MCPH1: variants seen among roughly 807,000 people sequenced by gnomAD.
The protein encoded by MCPH1 is microcephalin.
Under a neutral mutation model 84.5 loss-of-function variants are expected in MCPH1, and 104 were observed. The observed-to-expected ratio is 1.23, with a 90% CI of 1.05 to 1.45. The LOEUF (loss-of-function observed/expected upper bound fraction) is 1.45. Among genes scored for constraint, MCPH1 ranks in the 40% most tolerant of loss-of-function variants. The probability of loss-of-function intolerance (pLI) is 0.00; values close to 1 mark genes in which losing one functional copy is unlikely to be tolerated. For missense variants in MCPH1, 1,498 were observed against 1,005.7 expected (o/e 1.49, Z -6.62); for synonymous variants, 514 against 366.8 (o/e 1.40, Z -4.58).
At position 6,610,532 on chromosome 8, in the gene MCPH1, C is replaced by G. The variant is rs1322326459; in HGVS notation, c.2215-10922C>G. 2.6e-5 allele frequency among the ~76,000 whole-genome samples: 4 copies of G among 152,170 alleles called. No individual in the cohort carries two copies. In the East Asian group the frequency reaches 7.7e-4, roughly 29 times the overall value. ...CCATAATCTTCCTCCAGTCTGTTTC[C>G]TTTCTGCAGTGACAAAATTGCCCAG... On this transcript the variant is annotated intron_variant, in intron 12 of 13. Transcript: ENST00000344683.
intron 12 of MCPH1, among the ~76,000 whole-genome samples, chr8:6,526,798 C>G (rs1390556742): frequency 6.6e-6 from 1 of 152,160 alleles, no homozygotes; most frequent in African/African-American, 2.4e-5. Context: ...AGGAAATAGG[C>G]ACACCAGGTA....
rs1217697780 is a variant in MCPH1 at position 6,505,420 on chromosome 8, CATAAAGAATATAT to C, written c.2214+5495_2214+5507del. On this transcript the variant is annotated intron_variant, in intron 12 of 13. Transcript: ENST00000344683. ...ATAGAATATATATATTCTTTATATA[CATAAAGAATATAT>C]ATATTCTTTATATACATATAGAATA... Among the ~76,000 whole-genome samples, 6 of 57,414 alleles carry C rather than the reference CATAAAGAATATAT, an allele frequency of 1.0e-4. 3 individuals carry two copies. Among genetic ancestry groups the C allele is most frequent in the African/African-American group, 3.6e-4 (6 of 16,466 alleles). The allele number at this position is 57,414 out of a possible 152,430, so 37.7% of individuals were successfully genotyped here. A position where few individuals can be genotyped will look rare whatever the true frequency, so the allele number is the denominator to read the frequency against.
chr8:6,622,066 AGCGCCCG>A (rs1831487934), intron 13 of MCPH1: 1 of 361,032 alleles, frequency 2.8e-6, no homozygotes, highest in Non-Finnish European at 5.6e-6. Flanking sequence ...AGTCCCTGGC[AGCGCCCG>A]GCACTGGGGC....
chr8:6,561,370 T>G (rs1446650723), intron 12 of MCPH1, among the ~76,000 whole-genome samples: 1 of 152,224 alleles, frequency 6.6e-6, no homozygotes, highest in Admixed American at 6.5e-5. Context: ...CTGGGAACAT[T>G]CATTCACATT....
chr8:6,601,993 G>A (rs535868402), intron 12 of MCPH1, among the ~76,000 whole-genome samples: 1 of 152,312 alleles, frequency 6.6e-6, no homozygotes, highest in East Asian at 1.9e-4. Flanking sequence ...TGTCTCTTCT[G>A]CTAGATGATG....
intron 12 of MCPH1, among the ~76,000 whole-genome samples, chr8:6,517,092 TAG>T (rs1190997826): frequency 6.6e-6 from 1 of 152,206 alleles, no homozygotes; most frequent in African/African-American, 2.4e-5. Context: ...AGTGTTCAAA[TAG>T]AGTTATCTAC....
At chr8:6,610,929 A>G (rs1042827930) in intron 12 of MCPH1, among the ~76,000 whole-genome samples, 4 of 152,074 alleles carry the variant, frequency 2.6e-5, no homozygotes, top group Non-Finnish European at 5.9e-5. Context: ...TTTGAACTGC[A>G]AATTTAGCAG....
At chr8:6,468,752 G>A (rs1419142620) in intron 9 of MCPH1, among the ~76,000 whole-genome samples, 2 of 148,210 alleles carry the variant, frequency 1.3e-5, no homozygotes, top group Non-Finnish European at 3.0e-5. Context: ...TGTATTATTT[G>A]AAACTGTTTG....
rs1284752439 is a variant in MCPH1 at position 6,446,228 on chromosome 8, A to C, written c.1825+681A>C. The C allele has an allele frequency of 1.3e-5, 12 of 937,128 alleles. No individual in the cohort carries two copies. The Admixed American group carries it at 7.4e-4, about 58-fold the overall frequency. 58.1% of individuals were successfully genotyped at this position (937,128 alleles called of 1,614,324 possible). On this transcript the variant is annotated intron_variant, in intron 8 of 13. Transcript: ENST00000344683. The stretch of plus-strand genomic sequence containing the variant: ...TTATTAAAAGTCAAAACAATAAAAA[A>C]TTTTGCACTTCACAGTTATAAGCAC...
intron 12 of MCPH1, among the ~76,000 whole-genome samples, chr8:6,538,099 C>A (rs564234397): frequency 6.6e-6 from 1 of 152,284 alleles, no homozygotes; most frequent in South Asian, 2.1e-4. Flanking sequence ...CTCTCACACA[C>A]ACATACACGT....
chr8:6,439,210 T>C, intron 6 of MCPH1, 114 bp downstream of exon 6: 1 of 1,095,634 alleles, frequency 9.1e-7, no homozygotes, highest in Non-Finnish European at 1.3e-6. Flanking sequence ...TAACACATTT[T>C]GACTTATTTC....
Position 6,442,159 on chromosome 8 carries a change from A to G in MCPH1, c.670+3A>G. 1 of 1,584,834 alleles carries G rather than the reference A, an allele frequency of 6.3e-7. No homozygotes were observed. Reference sequence around the variant, plus strand: ...TTCACGTGATACTTTGTGTTCAGGTAAAATTTTTATTTTCCTTTCTGTGAT... The same window carrying G: ...TTCACGTGATACTTTGTGTTCAGGTGAAATTTTTATTTTCCTTTCTGTGAT... On this transcript the variant is annotated splice_donor_region_variant and intron_variant, in intron 7 of 13. Coordinates refer to ENST00000344683, the MANE Select transcript of MCPH1 (RefSeq NM_024596.5).
At chr8:6,542,414 T>C (rs1821775076) in intron 12 of MCPH1, among the ~76,000 whole-genome samples, 1 of 152,038 alleles carries the variant, frequency 6.6e-6, no homozygotes, top group Admixed American at 6.6e-5. Flanking sequence ...AAATAGACAT[T>C]CCAAAGCTTG....
At chr8:6,605,287 T>G (rs1438418727) in intron 12 of MCPH1, among the ~76,000 whole-genome samples, 1 of 152,126 alleles carries the variant, frequency 6.6e-6, no homozygotes, top group African/African-American at 2.4e-5. Flanking sequence ...GCCCTTTCTC[T>G]CCTCCCTGCC....
chr8:6,522,143 C>A lies in MCPH1; in HGVS notation c.2214+22214C>A, dbSNP rs571782661. Among the ~76,000 whole-genome samples the A allele has an allele frequency of 1.1e-4, 16 of 151,804 alleles. No individual in the cohort carries two copies. The East Asian group carries it at 3.2e-3, about 30-fold the overall frequency. ...GGCCGAGGCGGGCGGATCACGAGGT[C>A]GGGAGATTGAGAGTATCCTGGCTAA... On this transcript the variant is annotated intron_variant, in intron 12 of 13. Transcript: ENST00000344683.
At chr8:6,600,746 A>G (rs2980675) in intron 12 of MCPH1, among the ~76,000 whole-genome samples, 5,358 of 152,282 alleles carry the variant, frequency 0.035, 331 homozygotes, top group African/African-American at 0.12. Context: ...GGTTGTGGCA[A>G]TGTTTCAATA....
chr8:6,494,444 C>G (rs191195156), intron 11 of MCPH1: 15 of 152,064 alleles, frequency 9.9e-5, no homozygotes, highest in African/African-American at 3.6e-4. Context: ...CTTGCTACAC[C>G]GTAGCTGTGT....
intron 8 of MCPH1, among the ~76,000 whole-genome samples, chr8:6,453,396 C>CT (rs11459930): frequency 0.67 from 98,795 of 147,384 alleles, 35,590 homozygotes; most frequent in Non-Finnish European, 0.8. Flanking sequence ...CAATATCAGT[C>CT]TTTTTTTTTT....
chr8:6,542,617 G>T (rs1271476758), intron 12 of MCPH1, among the ~76,000 whole-genome samples: 2 of 151,142 alleles, frequency 1.3e-5, no homozygotes, highest in African/African-American at 2.4e-5. Flanking sequence ...AAAAAGTGCT[G>T]TCTGAGGAGC....
Sources: gnomAD v4.1 joint callset for allele counts (sites outside exome capture counted in the v4.1 genomes callset) on GRCh38, gnomAD v4.1.1 for gene constraint, MANE v1.5 for transcripts, NCBI Gene and HGNC (gene_info 2026-07-23, HGNC 2026-07-21) for gene names.